Variants in ZNF484 observed in about 807,000 individuals in gnomAD.
ZNF484 encodes the protein KRAB box containing C2H2 type zinc finger bA526D8.4.
Under a neutral mutation model 12.9 loss-of-function variants are expected in ZNF484, and 11 were observed. The observed-to-expected ratio is 0.85, with a 90% confidence interval of 0.54 to 1.41. The LOEUF is 1.41. Ranked by LOEUF, ZNF484 falls within the 40% of genes most tolerant of loss-of-function variation. The pLI is 0.00. For missense variants in ZNF484, 807 were observed against 1,007.7 expected (o/e 0.80, Z 2.70); for synonymous variants, 289 against 334.1 (o/e 0.86, Z 1.47).
chr9:92,850,166 T>C (rs1184892507), intron 4 of ZNF484, among the ~76,000 whole-genome samples: 1 of 152,220 alleles, frequency 6.6e-6, no homozygotes, highest in African/African-American at 2.4e-5. Flanking sequence ...GTTGGTATTA[T>C]TATTGTTTCT....
chr9:92,846,743 G>A lies in ZNF484; in HGVS notation c.2044C>T (p.His682Tyr). 1 of 1,614,044 alleles carries A rather than the reference G, an allele frequency of 6.2e-7. No individual in the cohort carries two copies. Among genetic ancestry groups the A allele is most frequent in the South Asian group, 1.1e-5 (1 of 91,084 alleles). ...CTTTCTCCAGTATGGGATTGCTGAT[G>A]TATATGGAGACCTGACTTCCTAGTG... ...AFTRKSGLHIHQQSHTGERHY... is the reference protein window; with the variant it reads ...AFTRKSGLHIYQQSHTGERHY... Residue 682 changes from histidine to tyrosine, a missense_variant, in exon 5 of 5, where the codon CAT (histidine) becomes TAT (tyrosine). Physicochemically the swap from His to Tyr is moderately conservative, Grantham distance 83 (BLOSUM62 2). Transcript: ENST00000375495.
At chr9:92,863,533 G>C (rs1856899376) in intron 2 of ZNF484, among the ~76,000 whole-genome samples, 1 of 152,166 alleles carries the variant, frequency 6.6e-6, no homozygotes, top group Admixed American at 6.5e-5. Flanking sequence ...ACCTTAGTTA[G>C]GGAGAAAATA....
intron 4 of ZNF484, among the ~76,000 whole-genome samples, chr9:92,851,437 C>A (rs1856073138): frequency 1.3e-5 from 2 of 152,212 alleles, no homozygotes; most frequent in Admixed American, 1.3e-4. Flanking sequence ...CAGCCACACC[C>A]ATACATTGAT....
intron 4 of ZNF484, among the ~76,000 whole-genome samples, chr9:92,849,262 C>CA (rs35767387): frequency 2.8e-4 from 38 of 136,670 alleles, no homozygotes; most frequent in South Asian, 9.4e-4. Flanking sequence ...ACTCTATCTC[C>CA]AAAAAAAAAA....
At chr9:92,866,295 C>T (rs1008464094) in intron 2 of ZNF484, among the ~76,000 whole-genome samples, 5 of 151,968 alleles carry the variant, frequency 3.3e-5, no homozygotes, top group East Asian at 1.9e-4. Flanking sequence ...AACACATTTA[C>T]AAGAAAAAAA....
Position 92,846,874 on chromosome 9 carries a change from CACCTATAGGGTTTCTCTCCTGTGTGA to C in ZNF484, c.1887_1912del (p.Ile629MetfsTer3), listed in dbSNP as rs760144314. On this transcript the variant is annotated frameshift_variant, in exon 5 of 5. Coordinates refer to ENST00000375495, the MANE Select transcript of ZNF484 (RefSeq NM_031486.4). LOFTEE classifies it low-confidence loss of function (END_TRUNC). ...AGTAAAAGCCTTTCCACATTCAGCACACCTATAGGGTTTCTCTCCTGTGTGAATCTGCTGATGTACGTGGAGCTGTG... is the reference window on the plus strand; with the variant it reads ...AGTAAAAGCCTTTCCACATTCAGCACATCTGCTGATGTACGTGGAGCTGTG... 6.2e-6 allele frequency: 10 copies of C among 1,613,918 alleles called. No individual in the cohort carries two copies. In the African/African-American group the frequency reaches 1.3e-4, roughly 22 times the overall value.
chr9:92,853,462 T>A (rs1293255044), intron 4 of ZNF484, among the ~76,000 whole-genome samples: 1 of 152,234 alleles, frequency 6.6e-6, no homozygotes, highest in Non-Finnish European at 1.5e-5. Context: ...GAGTGCTGTA[T>A]ACAATAGGGC....
chr9:92,855,689 C>T, intron 4 of ZNF484, 122 bp downstream of exon 4: 1 of 809,702 alleles, frequency 1.2e-6, no homozygotes, highest in Non-Finnish European at 2.0e-6. Flanking sequence ...AACTGCTCTT[C>T]CAAGCAGTTC....
intron 2 of ZNF484, among the ~76,000 whole-genome samples, chr9:92,856,676 T>A (rs1856482834): frequency 6.6e-6 from 1 of 152,212 alleles, no homozygotes; most frequent in African/African-American, 2.4e-5. Context: ...TAAAATTGAT[T>A]ATAATGATGG....
intron 2 of ZNF484, among the ~76,000 whole-genome samples, chr9:92,860,647 C>CA (rs1211783008): frequency 6.7e-6 from 1 of 148,154 alleles, no homozygotes; most frequent in Non-Finnish European, 1.5e-5. Context: ...CAAAAAAAAA[C>CA]CAGTATACTT....
At chr9:92,865,028 CAGAGAGAGAGAGAAAG>C (rs1213657361) in intron 2 of ZNF484, among the ~76,000 whole-genome samples, 4 of 151,482 alleles carry the variant, frequency 2.6e-5, no homozygotes, top group Non-Finnish European at 4.4e-5. Context: ...CACACACACA[CAGAGAGAGAGAGAAAG>C]AGAGAGAGAG....
intron 2 of ZNF484, among the ~76,000 whole-genome samples, chr9:92,867,145 T>C (rs1857133059): frequency 1.3e-5 from 2 of 151,620 alleles, no homozygotes; most frequent in Admixed American, 1.3e-4. Flanking sequence ...AGGTCGGGAG[T>C]TCGAGACCAG....
intron 4 of ZNF484, among the ~76,000 whole-genome samples, chr9:92,852,529 C>A (rs907491931): frequency 4.7e-5 from 3 of 63,482 alleles, no homozygotes; most frequent in Non-Finnish European, 8.2e-5. Context: ...CACGCCCAGC[C>A]TTTTTTTTTT....
Position 92,846,993 on chromosome 9 carries a change from A to C in ZNF484, c.1794T>G (p.His598Gln). The stretch of plus-strand genomic sequence containing the variant: ...GTTTCTCTCCAGTATGAATTCTCTC[A>C]TGTGTAATAAAATGGGATTTGTGGA... ...AFFHKSHFIT[H>Q]ERIHTGEKPY... Residue 598 changes from histidine to glutamine, a missense_variant, in exon 5 of 5, where the codon CAT (histidine) becomes CAG (glutamine). Transcript: ENST00000375495. 6.2e-7 allele frequency: 1 copy of C among 1,614,066 alleles called. No homozygotes were observed. The highest frequency in any genetic ancestry group is 8.5e-7 in the Non-Finnish European group (1 of 1,180,004).
intron 2 of ZNF484, among the ~76,000 whole-genome samples, chr9:92,867,468 G>A (rs938557051): frequency 2.6e-5 from 4 of 151,992 alleles, no homozygotes; most frequent in African/African-American, 9.7e-5. Context: ...GGCAACAAGA[G>A]CGAAACTCCA....
chr9:92,861,616 C>T (rs1856783602), intron 2 of ZNF484, among the ~76,000 whole-genome samples: 1 of 152,014 alleles, frequency 6.6e-6, no homozygotes, highest in African/African-American at 2.4e-5. Flanking sequence ...CCAGTCTGAA[C>T]AATAGAAAAA....
At chr9:92,860,417 A>G (rs1264827537) in intron 2 of ZNF484, among the ~76,000 whole-genome samples, 1 of 152,056 alleles carries the variant, frequency 6.6e-6, no homozygotes, top group Non-Finnish European at 1.5e-5. Flanking sequence ...CCTGGCTAAC[A>G]TGGTGAAACC....
At chr9:92,861,097 G>A (rs1228521738) in intron 2 of ZNF484, among the ~76,000 whole-genome samples, 2 of 152,082 alleles carry the variant, frequency 1.3e-5, no homozygotes, top group Non-Finnish European at 1.5e-5. Context: ...GAACTGCAAA[G>A]ACTTTCAAAA....
intron 4 of ZNF484, among the ~76,000 whole-genome samples, chr9:92,855,034 A>G (rs1454656860): frequency 6.6e-6 from 1 of 152,172 alleles, no homozygotes; most frequent in Non-Finnish European, 1.5e-5. Context: ...TGCCTCTTGG[A>G]AGGATAAAAA....
Sources: gnomAD v4.1 joint callset for allele counts (sites outside exome capture counted in the v4.1 genomes callset) on GRCh38, gnomAD v4.1.1 for gene constraint, MANE v1.5 for transcripts, NCBI Gene and HGNC (gene_info 2026-07-23, HGNC 2026-07-21) for gene names.